The following CHST9 variants were observed in gnomAD, a reference collection of about 807,000 sequenced individuals.
CHST9 encodes the protein GalNAc-4-sulfotransferase 2.
In CHST9, 41 loss-of-function variants were observed where a neutral mutation model predicts 44.4. The observed-to-expected ratio is 0.92, with a 90% CI of 0.72 to 1.20. CHST9 has a LOEUF of 1.20. CHST9 is among the 50% of genes most tolerant of loss of function. The pLI is 0.00. For synonymous variants in CHST9, 171 were observed against 178.4 expected, an observed-to-expected ratio of 0.96 and a Z score of 0.33; for missense variants, 504 against 516.5, an observed-to-expected ratio of 0.98 and a Z score of 0.23.
intron 5 of CHST9, among the ~76,000 whole-genome samples, chr18:26,932,440 T>C (rs750029370): frequency 5.9e-5 from 9 of 152,202 alleles, no homozygotes; most frequent in Admixed American, 2.6e-4. Flanking sequence ...CCATCAATGT[T>C]GTTTTTTTTC....
intron 2 of CHST9, among the ~76,000 whole-genome samples, chr18:27,077,552 A>C (rs1407279974): frequency 1.3e-5 from 2 of 152,156 alleles, no homozygotes; most frequent in Non-Finnish European, 2.9e-5. Context: ...TAATAGAGAA[A>C]TATTGTGGGG....
At position 26,911,491 on chromosome 18, in the gene CHST9, C is replaced by T. The variant is rs2055439836; in HGVS notation, c.*4768G>A. On this transcript the variant is annotated 3_prime_UTR_variant, in exon 6 of 6. Coordinates refer to ENST00000618847, the MANE Select transcript of CHST9 (RefSeq NM_031422.6). Reference sequence around the variant, plus strand: ...GGAAAACTCTGCTGTCTTTTTCTGCCTATCAGGGAGCTCATAAAGAGATGA... The same window carrying T: ...GGAAAACTCTGCTGTCTTTTTCTGCTTATCAGGGAGCTCATAAAGAGATGA... 1 of 152,132 alleles carries T rather than the reference C, an allele frequency of 6.6e-6. No homozygotes were observed. Among genetic ancestry groups the T allele is most frequent in the South Asian group, 2.1e-4 (1 of 4,828 alleles). The allele number at this position is 152,132 out of a possible 1,614,324, so 9.4% of individuals were successfully genotyped here.
At position 26,948,229 on chromosome 18, in the gene CHST9, A is replaced by G. The variant is rs577020301; in HGVS notation, c.203-3863T>C. On this transcript the variant is annotated intron_variant, in intron 4 of 5. Coordinates refer to ENST00000618847, the MANE Select transcript of CHST9 (RefSeq NM_031422.6). ...ACATGGGCACAGGGAGGGGAACATC[A>G]CACACTGAGGCCTTTCAGGGAGTGG... Among the ~76,000 whole-genome samples, 12 of 152,256 alleles carry G rather than the reference A, an allele frequency of 7.9e-5. 1 individual carries two copies. The highest frequency in any genetic ancestry group is 2.6e-4 in the African/African-American group (11 of 41,546).
intron 3 of CHST9, among the ~76,000 whole-genome samples, chr18:27,040,162 G>A (rs191407572): frequency 4.3e-4 from 65 of 152,174 alleles, no homozygotes; most frequent in African/African-American, 1.5e-3. Flanking sequence ...TAGGGTAGAC[G>A]GACATTTGCC....
rs1567935844 is a variant in CHST9 at position 27,142,883 on chromosome 18, A to G, written c.-74T>C. The G allele has an allele frequency of 1.4e-6, 2 of 1,418,374 alleles. No homozygotes were observed. The highest frequency in any genetic ancestry group is 2.4e-5 in the East Asian group (1 of 42,426). The allele number at this position is 1,418,374 out of a possible 1,614,324, so 87.9% of individuals were successfully genotyped here. ...AACTTCAGTCTTTTCTTGTTCTCTAAGAGCCCAATTCCATAAAGTAACCTA... is the reference window on the plus strand; with the variant it reads ...AACTTCAGTCTTTTCTTGTTCTCTAGGAGCCCAATTCCATAAAGTAACCTA... On this transcript the variant is annotated 5_prime_UTR_variant, in exon 2 of 6. Coordinates refer to ENST00000618847, the MANE Select transcript of CHST9 (RefSeq NM_031422.6).
chr18:27,110,454 G>A (rs2058261342), intron 2 of CHST9, among the ~76,000 whole-genome samples: 1 of 152,176 alleles, frequency 6.6e-6, no homozygotes, highest in Non-Finnish European at 1.5e-5. Flanking sequence ...CAGGCCCCAG[G>A]CTAGTTACTC....
At chr18:27,055,965 T>TAC (rs1442613780) in intron 2 of CHST9, among the ~76,000 whole-genome samples, 3 of 152,058 alleles carry the variant, frequency 2.0e-5, no homozygotes, top group Non-Finnish European at 4.4e-5. Flanking sequence ...TGTGTGTGTA[T>TAC]ACACAAGATA....
intron 4 of CHST9, among the ~76,000 whole-genome samples, chr18:27,003,713 A>AATGAATT (rs751518932): frequency 6.6e-6 from 1 of 152,140 alleles, no homozygotes; most frequent in Non-Finnish European, 1.5e-5. Flanking sequence ...TGGAAAAGAA[A>AATGAATT]ATGAATTAAA....
At chr18:27,113,400 T>A (rs1261718883) in intron 2 of CHST9, among the ~76,000 whole-genome samples, 2 of 152,312 alleles carry the variant, frequency 1.3e-5, no homozygotes, top group Middle Eastern at 6.8e-3. Flanking sequence ...TTTTCTACTT[T>A]AAAAGGAAAA....
intron 2 of CHST9, among the ~76,000 whole-genome samples, chr18:27,126,139 G>A (rs2058421848): frequency 6.6e-6 from 1 of 152,144 alleles, no homozygotes; most frequent in Admixed American, 6.5e-5. Flanking sequence ...ATCAGATGAT[G>A]GATTCTCACA....
chr18:26,962,274 TA>T (rs1311161472), intron 4 of CHST9, among the ~76,000 whole-genome samples: 16 of 148,334 alleles, frequency 1.1e-4, no homozygotes, highest in African/African-American at 4.0e-4. Flanking sequence ...CCTCTACTCC[TA>T]TCCCAAATTA....
intron 2 of CHST9, among the ~76,000 whole-genome samples, chr18:27,129,359 A>T (rs2058452695): frequency 6.6e-6 from 1 of 151,406 alleles, no homozygotes; most frequent in Non-Finnish European, 1.5e-5. Context: ...TGCTTGGTTT[A>T]TTTTTATTTT....
At chr18:27,123,104 T>C (rs956206448) in intron 2 of CHST9, among the ~76,000 whole-genome samples, 2 of 152,218 alleles carry the variant, frequency 1.3e-5, no homozygotes, top group Non-Finnish European at 2.9e-5. Flanking sequence ...ACAGTTCTTA[T>C]ATTAGACACA....
intron 4 of CHST9, among the ~76,000 whole-genome samples, chr18:26,956,321 A>AG (rs1253241831): frequency 1.5e-5 from 2 of 137,540 alleles, no homozygotes; most frequent in Admixed American, 1.4e-4. Context: ...CAAAAAAAAA[A>AG]AAAAAATATA....
At chr18:26,981,381 G>C (rs2056690258) in intron 4 of CHST9, among the ~76,000 whole-genome samples, 1 of 152,142 alleles carries the variant, frequency 6.6e-6, no homozygotes, top group African/African-American at 2.4e-5. Context: ...ACAAAAAGTA[G>C]CCACTCATGT....
intron 1 of CHST9, among the ~76,000 whole-genome samples, chr18:27,161,079 T>C (rs1231844047): frequency 6.6e-6 from 1 of 152,176 alleles, no homozygotes; most frequent in Non-Finnish European, 1.5e-5. Context: ...ATTCATTGAT[T>C]TTTTGAAGGG....
chr18:26,946,468 G>A (rs913650604), intron 4 of CHST9, among the ~76,000 whole-genome samples: 26 of 152,178 alleles, frequency 1.7e-4, no homozygotes, highest in African/African-American at 6.3e-4. Flanking sequence ...AGATAGGCAG[G>A]AAACCCTGCA....
At chr18:26,976,991 G>A (rs1228798057) in intron 4 of CHST9, among the ~76,000 whole-genome samples, 3 of 151,936 alleles carry the variant, frequency 2.0e-5, no homozygotes, top group Non-Finnish European at 4.4e-5. Flanking sequence ...AAAAACATGA[G>A]TGAGAGATAA....
chr18:27,101,792 T>A (rs1412883156), intron 2 of CHST9, among the ~76,000 whole-genome samples: 1 of 152,174 alleles, frequency 6.6e-6, no homozygotes, highest in African/African-American at 2.4e-5. Context: ...CTATATTAGG[T>A]GTGAATATTC....
Sources: allele counts gnomAD v4.1 joint callset (sites outside exome capture counted in the v4.1 genomes callset), GRCh38; gene constraint gnomAD v4.1.1; transcripts MANE v1.5; gene names NCBI Gene and HGNC (gene_info 2026-07-23, HGNC 2026-07-21).